The following SLC1A7 variants were observed in gnomAD, a reference collection of about 807,000 sequenced individuals.
SLC1A7 encodes excitatory amino acid transporter 5.
Under a neutral mutation model 47.7 loss-of-function variants are expected in SLC1A7, and 40 were observed. That is an observed-to-expected ratio of 0.84 (90% confidence interval 0.65 to 1.09). SLC1A7 has a LOEUF of 1.09. Ranked by LOEUF, SLC1A7 falls within the 50% of genes least tolerant of loss-of-function variation. The pLI is 0.00. For synonymous variants in SLC1A7, 323 were observed against 325.6 expected (o/e 0.99, Z 0.09); for missense variants, 746 against 769.5 (o/e 0.97, Z 0.36).
At chr1:53,093,334 G>T in intron 6 of SLC1A7, 127 bp downstream of exon 6, 1 of 751,564 alleles carries the variant, frequency 1.3e-6, no homozygotes, top group Non-Finnish European at 2.2e-6. Context: ...AGCTCCGGAG[G>T]CCCCGGCCCA....
At chr1:53,136,231 C>G (rs1644992451) in intron 1 of SLC1A7, among the ~76,000 whole-genome samples, 2 of 147,398 alleles carry the variant, frequency 1.4e-5, no homozygotes. Flanking sequence ...GCTCTGTCAC[C>G]AGGCTGGAGT....
intron 5 of SLC1A7, 39 bp downstream of exon 5, chr1:53,103,307 C>A (rs1464178087): frequency 1.3e-6 from 2 of 1,486,252 alleles, no homozygotes; most frequent in African/African-American, 2.7e-5. Flanking sequence ...GCTGGGGGCC[C>A]GGCTCCACGG....
intron 2 of SLC1A7, among the ~76,000 whole-genome samples, chr1:53,124,470 G>C (rs561161421): frequency 1.4e-4 from 21 of 152,320 alleles, no homozygotes; most frequent in Non-Finnish European, 2.8e-4. Flanking sequence ...TTGGCAAAAA[G>C]CAAGTGGAGA....
chr1:53,104,285 T>C (rs1644615522), intron 4 of SLC1A7, among the ~76,000 whole-genome samples: 1 of 152,194 alleles, frequency 6.6e-6, no homozygotes, highest in South Asian at 2.1e-4. Context: ...AGACGATGTA[T>C]ATAAAGTGCT....
rs202043572 is a variant in SLC1A7 at position 53,093,546 on chromosome 1, G to A, written c.712C>T (p.Arg238Cys). The change falls in exon 6 of 11, where the codon CGC becomes TGC. Residue 238 changes from arginine to cysteine, a missense_variant. Transcript: ENST00000371494. ...AGGGGGGCCCCGCTGTCACCCATGC[G>A]GCCCAGCATGATGCCTGCGGGTCAG... is the stretch of plus-strand genomic sequence containing the variant. ...FSATMGIMLGRMGDSGAPLVS... is the reference protein window; with the variant it reads ...FSATMGIMLGCMGDSGAPLVS... The A allele has an allele frequency of 1.9e-4, 312 of 1,604,630 alleles. No homozygotes were observed. The highest frequency in any genetic ancestry group is 2.6e-4 in the Non-Finnish European group (305 of 1,178,792).
chr1:53,132,663 T>C (rs1048574585), intron 2 of SLC1A7, among the ~76,000 whole-genome samples: 99 of 151,960 alleles, frequency 6.5e-4, no homozygotes, highest in African/African-American at 2.0e-3. Flanking sequence ...CTGGGCAACA[T>C]GGTGAGACCC....
At chr1:53,141,945 G>C (rs796151892) in intron 1 of SLC1A7, among the ~76,000 whole-genome samples, 1 of 152,084 alleles carries the variant, frequency 6.6e-6, no homozygotes, top group African/African-American at 2.4e-5. Context: ...ACGCTTCCTG[G>C]ATCTCTTGTC....
chr1:53,130,792 C>T (rs1572346742), intron 2 of SLC1A7, among the ~76,000 whole-genome samples: 1 of 152,090 alleles, frequency 6.6e-6, no homozygotes, highest in Non-Finnish European at 1.5e-5. Context: ...TTTGCTCTGC[C>T]CTGAGTAACA....
In SLC1A7 at chr1:53,114,778, A is replaced by G. The variant is rs1644738289; in HGVS notation, c.411T>C (p.Asp137=). ...QSGKPIMSSA[D]ALLDLIRNMF... ...GTTACCGGATGAGGTCCAACAGGGCATCGGCTGAGCTCATGATGGGCTTCC... is the reference window on the plus strand; with the variant it reads ...GTTACCGGATGAGGTCCAACAGGGCGTCGGCTGAGCTCATGATGGGCTTCC... Residue 137 remains aspartate, a synonymous_variant, in exon 3 of 11, where the codon GAT becomes GAC. Coordinates refer to ENST00000371494, the MANE Select transcript of SLC1A7 (RefSeq NM_006671.6). The G allele has an allele frequency of 1.2e-6, 2 of 1,614,070 alleles. No individual in the cohort carries two copies. The highest frequency in any genetic ancestry group is 1.3e-5 in the African/African-American group (1 of 75,068).
chr1:53,110,215 T>C (rs1478995873), intron 3 of SLC1A7, among the ~76,000 whole-genome samples: 1 of 152,126 alleles, frequency 6.6e-6, no homozygotes, highest in African/African-American at 2.4e-5. Context: ...TGAAAATCAC[T>C]GGGGAAACTG....
At chr1:53,094,697 G>A (rs1038429803) in intron 5 of SLC1A7, among the ~76,000 whole-genome samples, 8 of 152,180 alleles carry the variant, frequency 5.3e-5, no homozygotes, top group Non-Finnish European at 1.0e-4. Flanking sequence ...CTGCCGCCTG[G>A]CTGATGCAGA....
chr1:53,115,289 GT>G, intron 2 of SLC1A7: 1 of 411,536 alleles, frequency 2.4e-6, no homozygotes, highest in Non-Finnish European at 4.5e-6. Context: ...GGAAATGCGT[GT>G]GCTTTACTTT....
At chr1:53,139,067 T>C (rs1341220773) in intron 1 of SLC1A7, among the ~76,000 whole-genome samples, 1 of 152,196 alleles carries the variant, frequency 6.6e-6, no homozygotes, top group South Asian at 2.1e-4. Context: ...TGTTTCACAT[T>C]AGGAGCCTCC....
chr1:53,120,843 G>A (rs1000390961), intron 2 of SLC1A7, among the ~76,000 whole-genome samples: 1 of 152,248 alleles, frequency 6.6e-6, no homozygotes, highest in Non-Finnish European at 1.5e-5. Context: ...ATGCTGCTCA[G>A]CTCTGAAGTC....
chr1:53,128,040 G>A (rs750211762), intron 2 of SLC1A7, among the ~76,000 whole-genome samples: 22 of 152,192 alleles, frequency 1.4e-4, no homozygotes, highest in East Asian at 3.8e-4. Context: ...CAATGATAAC[G>A]AATACACACA....
At chr1:53,123,488 G>C (rs1644847858) in intron 2 of SLC1A7, among the ~76,000 whole-genome samples, 1 of 152,380 alleles carries the variant, frequency 6.6e-6, no homozygotes, top group Middle Eastern at 3.4e-3. Flanking sequence ...GTGCTGTGGG[G>C]CTCAGAAGGG....
At chr1:53,114,542 GA>G in intron 3 of SLC1A7, 1 of 584,620 alleles carries the variant, frequency 1.7e-6, no homozygotes, top group Non-Finnish European at 3.1e-6. Flanking sequence ...CACAGGCAGA[GA>G]GGGGCAGACC....
chr1:53,096,236 GC>G (rs1235327889), intron 5 of SLC1A7, among the ~76,000 whole-genome samples: 1 of 145,330 alleles, frequency 6.9e-6, no homozygotes, highest in Non-Finnish European at 1.5e-5. Flanking sequence ...CACACACCCT[GC>G]CTTGGTACAC....
At chr1:53,115,162 G>T in intron 2 of SLC1A7, 189 bp from the exon 3 acceptor site, 1 of 611,626 alleles carries the variant, frequency 1.6e-6, no homozygotes, top group South Asian at 1.9e-5. Flanking sequence ...CCCACGCCCC[G>T]GGGCGCAGGC....
Sources: gnomAD v4.1 joint callset for allele counts (sites outside exome capture counted in the v4.1 genomes callset) on GRCh38, gnomAD v4.1.1 for gene constraint, MANE v1.5 for transcripts, NCBI Gene and HGNC (gene_info 2026-07-23, HGNC 2026-07-21) for gene names.